SHF: variants seen among roughly 807,000 people sequenced by gnomAD.
The protein encoded by SHF is Src homology 2 domain containing F.
Under a neutral mutation model 42.4 loss-of-function variants are expected in SHF, and 30 were observed. The observed-to-expected ratio is 0.71, with a 90% CI of 0.53 to 0.96. The LOEUF is 0.96. Among genes scored for constraint, SHF ranks in the 40% least tolerant of loss-of-function variants. The pLI is 0.00. For synonymous variants in SHF, 264 were observed against 269.9 expected, an observed-to-expected ratio of 0.98 and a Z score of 0.21; for missense variants, 598 against 634.0, an observed-to-expected ratio of 0.94 and a Z score of 0.61.
chr15:45,176,767 A>C (rs1198021951), intron 2 of SHF, among the ~76,000 whole-genome samples: 1 of 152,142 alleles, frequency 6.6e-6, no homozygotes, highest in Admixed American at 6.5e-5. Flanking sequence ...CTACTCCCCC[A>C]AAAAATGTGC....
At chr15:45,183,868 C>T (rs1898248810) in intron 1 of SHF, among the ~76,000 whole-genome samples, 1 of 152,226 alleles carries the variant, frequency 6.6e-6, no homozygotes, top group African/African-American at 2.4e-5. Context: ...CCTCAGCCAT[C>T]CTCAAAGCAG....
intron 1 of SHF, among the ~76,000 whole-genome samples, chr15:45,183,258 T>C (rs1898218111): frequency 1.3e-5 from 2 of 152,226 alleles, no homozygotes; most frequent in Middle Eastern, 3.2e-3. Flanking sequence ...GTGCTCTGGT[T>C]TCCCCATTTA....
intron 1 of SHF, chr15:45,200,626 C>A (rs1260812042): frequency 2.3e-6 from 1 of 430,236 alleles, no homozygotes; most frequent in Admixed American, 2.5e-5. Flanking sequence ...CACGCAAGAG[C>A]ATTAATCTCT....
Position 45,167,642 on chromosome 15 carries a change from G to A in SHF, c.*305C>T. 4.2e-6 allele frequency: 1 copy of A among 236,962 alleles called. No homozygotes were observed. Among genetic ancestry groups the A allele is most frequent in the Non-Finnish European group, 8.1e-6 (1 of 124,096 alleles). The allele number at this position is 236,962 out of a possible 1,614,324, so 14.7% of individuals were successfully genotyped here. A position where few individuals can be genotyped will look rare whatever the true frequency, so the allele number is the denominator to read the frequency against. ...GTGGAGGTCACCACCTCTGCCCTAA[G>A]GTCGGAAAGGAGCCGGAGCTGCCAG... On this transcript the variant is annotated 3_prime_UTR_variant, in exon 7 of 7. Transcript: ENST00000690270.
chr15:45,187,419 C>T, intron 1 of SHF, 35 bp downstream of exon 1: 1 of 1,231,718 alleles, frequency 8.1e-7, no homozygotes, highest in Non-Finnish European at 1.0e-6. Context: ...TGACCGCCTT[C>T]CCTCCTGGCC....
At chr15:45,172,973 A>G (rs1433942405) in intron 4 of SHF, among the ~76,000 whole-genome samples, 1 of 152,138 alleles carries the variant, frequency 6.6e-6, no homozygotes, top group Admixed American at 6.5e-5. Context: ...GTCCCCAGGC[A>G]CACATGCGCA....
chr15:45,198,970 C>A (rs775518040), exon 2 of SHF: 3 of 1,613,584 alleles, frequency 1.9e-6, no homozygotes, highest in East Asian at 4.5e-5. Flanking sequence ...TCAGACTACC[C>A]TTGGGGGATG....
At chr15:45,175,514 G>C (rs1366232087) in intron 2 of SHF, 89 bp from the exon 3 acceptor site, 10 of 1,364,366 alleles carry the variant, frequency 7.3e-6, no homozygotes, top group Admixed American at 2.1e-5. Flanking sequence ...AACAAGCCAG[G>C]CCTCCTTCAG....
Position 45,187,766 on chromosome 15 carries a change from G to T in SHF, c.186C>A (p.Gly62=). The change falls in exon 1 of 7, where the codon GGC becomes GGA. Residue 62 remains glycine (G), a synonymous_variant. Coordinates refer to ENST00000690270, the MANE Select transcript of SHF (RefSeq NM_001394037.1). ...REHLGFRGGG[G]GGGGSKPAPP... ...GCGCCGGCTTGCTGCCCCCTCCGCC[G>T]CCGCCCCCCCCGCGGAAGCCCAGGT... is the stretch of plus-strand genomic sequence containing the variant. 1 of 933,818 alleles carries T rather than the reference G, an allele frequency of 1.1e-6. No homozygotes were observed. Among genetic ancestry groups the T allele is most frequent in the Non-Finnish European group, 1.4e-6 (1 of 724,762 alleles). 57.8% of individuals were successfully genotyped at this position (933,818 alleles called of 1,614,324 possible).
At chr15:45,178,785 G>T (rs1410293342) in intron 1 of SHF, among the ~76,000 whole-genome samples, 1 of 152,128 alleles carries the variant, frequency 6.6e-6, no homozygotes, top group Admixed American at 6.5e-5. Context: ...TGCCCGCCTT[G>T]GCCTCCCAAA....
At chr15:45,189,069 T>C (rs1404310633), upstream of SHF, among the ~76,000 whole-genome samples, 2 of 151,774 alleles carry the variant, frequency 1.3e-5, no homozygotes, top group Non-Finnish European at 2.9e-5. Flanking sequence ...GGCGGGCACC[T>C]GTAGTCCCAG....
intron 2 of SHF, among the ~76,000 whole-genome samples, chr15:45,193,627 A>G (rs1049273012): frequency 6.6e-6 from 1 of 152,264 alleles, no homozygotes; most frequent in Non-Finnish European, 1.5e-5. Flanking sequence ...GAGTTCCACA[A>G]GGAAATTCCT....
chr15:45,199,347 C>T (rs1898990988), intron 1 of SHF, among the ~76,000 whole-genome samples: 1 of 152,196 alleles, frequency 6.6e-6, no homozygotes, highest in Admixed American at 6.5e-5. Context: ...CTCGCCCCCA[C>T]GGCGCCTAGA....
exon 2 of SHF, chr15:45,199,003 C>T: frequency 6.2e-7 from 1 of 1,611,180 alleles, no homozygotes; most frequent in Non-Finnish European, 8.5e-7. Flanking sequence ...GCCCCGGAGA[C>T]CCTTGCCGCG....
chr15:45,187,719 G>T lies in SHF; in HGVS notation c.233C>A (p.Pro78His), dbSNP rs1898514925. The stretch of plus-strand genomic sequence containing the variant: ...GGGCGCGGCCGGAGAGGGCGCAGGG[G>T]GGCGGTAGTCGGGCTCGGGGGGCGC... ...KPAPPEPDYR[P>H]PAPSPAAPPA... is the part of the protein sequence containing the mutation. The change falls in exon 1 of 7, where the codon CCC becomes CAC. Residue 78 changes from proline (P) to histidine (H), a missense_variant. This residue lies in a region of SHF where 159 missense variants were observed against 109.3 expected (regional missense o/e 1.45). Coordinates refer to ENST00000690270, the MANE Select transcript of SHF (RefSeq NM_001394037.1). 2 of 1,092,168 alleles carry T rather than the reference G, an allele frequency of 1.8e-6. No homozygotes were observed. The highest frequency in any genetic ancestry group is 3.3e-5 in the African/African-American group (2 of 61,398). 67.7% of individuals were successfully genotyped at this position (1,092,168 alleles called of 1,614,324 possible).
Position 45,172,202 on chromosome 15 carries a change from G to C in SHF, c.1105C>G (p.Pro369Ala). Residue 369 changes from proline to alanine, a missense_variant, in exon 5 of 7, where the codon CCC becomes GCC. Pro to Ala is a conservative substitution (Grantham distance 27). This residue lies in a region of SHF where 439 missense variants were observed against 524.6 expected (regional missense o/e 0.84). Coordinates refer to ENST00000690270, the MANE Select transcript of SHF (RefSeq NM_001394037.1). The stretch of plus-strand genomic sequence containing the variant: ...GTCCACTCCCCCAGGGGGCTGCTGG[G>C]CTCCATGCTTAGGGGTTTGGCTGAC... ...PKSAKPLSME[P>A]SSPLGEWTDP... The C allele has an allele frequency of 6.2e-7, 1 of 1,613,906 alleles. No homozygotes were observed. The highest frequency in any genetic ancestry group is 1.1e-5 in the South Asian group (1 of 91,082).
chr15:45,172,595 T>C (rs963456948), intron 4 of SHF, among the ~76,000 whole-genome samples: 1 of 152,148 alleles, frequency 6.6e-6, no homozygotes, highest in Non-Finnish European at 1.5e-5. Flanking sequence ...TGAGAAACCA[T>C]GCACGCTTCT....
rs960361053 is a variant in SHF at position 45,194,568 on chromosome 15, T to A, written c.303+4204A>T. On this transcript the variant is annotated intron_variant, in intron 2 of 7. Coordinates refer to the SHF transcript ENST00000290894. Reference sequence around the variant, plus strand: ...GGTTTCACCATGTTGGCCAGGGTGGTCTCAAACTCCTGACCTCAGGTGATT... The same window carrying A: ...GGTTTCACCATGTTGGCCAGGGTGGACTCAAACTCCTGACCTCAGGTGATT... Among the ~76,000 whole-genome samples the A allele has an allele frequency of 1.1e-4, 17 of 152,072 alleles. 1 individual carries two copies. Among genetic ancestry groups the A allele is most frequent in the Non-Finnish European group, 2.5e-4 (17 of 68,022 alleles).
At chr15:45,176,995 A>ATATAC (rs1897845668) in intron 2 of SHF, among the ~76,000 whole-genome samples, 6 of 152,182 alleles carry the variant, frequency 3.9e-5, no homozygotes, top group African/African-American at 1.4e-4. Flanking sequence ...GATTACTGCT[A>ATATAC]GGGTGAACCT....
Sources: allele counts gnomAD v4.1 joint callset (sites outside exome capture counted in the v4.1 genomes callset), GRCh38; gene constraint gnomAD v4.1.1; regional missense constraint gnomAD v4.1.1; transcripts MANE v1.5; gene names NCBI Gene and HGNC (gene_info 2026-07-23, HGNC 2026-07-21).